Variants in CDC73 observed in about 807,000 individuals in gnomAD.
The protein encoded by CDC73 is parafibromin.
In CDC73, 21 loss-of-function variants were observed where a neutral mutation model predicts 83.7. The observed-to-expected ratio is 0.25, with a 90% CI of 0.18 to 0.36. The LOEUF (loss-of-function observed/expected upper bound fraction) is 0.36. CDC73 is among the 10% of genes least tolerant of loss of function. The pLI is 1.00. For missense variants in CDC73, 342 were observed against 653.3 expected (o/e 0.52, Z 5.19); for synonymous variants, 224 against 212.9 (o/e 1.05, Z -0.45).
intron 13 of CDC73, among the ~76,000 whole-genome samples, chr1:193,223,909 G>A (rs1027311996): frequency 1.3e-5 from 2 of 148,850 alleles, no homozygotes; most frequent in African/African-American, 4.9e-5. Context: ...CATATTTTGA[G>A]GTACATGTAA....
intron 10 of CDC73, among the ~76,000 whole-genome samples, chr1:193,193,780 AGT>A (rs71111459): frequency 0.087 from 11,741 of 135,678 alleles, 651 homozygotes; most frequent in African/African-American, 0.18. Context: ...TCTTACTTGT[AGT>A]GTGTGTGTGT....
chr1:193,189,354 T>C (rs1207392619), intron 10 of CDC73, among the ~76,000 whole-genome samples: 1 of 152,204 alleles, frequency 6.6e-6, no homozygotes, highest in Non-Finnish European at 1.5e-5. Context: ...TAACTTTTTG[T>C]AGCAACCTAC....
At chr1:193,188,797 C>A (rs576353695) in intron 10 of CDC73, among the ~76,000 whole-genome samples, 1 of 151,858 alleles carries the variant, frequency 6.6e-6, no homozygotes, top group East Asian at 1.9e-4. Context: ...CCCTGAATTT[C>A]CAGTGGGACC....
chr1:193,246,333 A>G (rs914717719), intron 15 of CDC73, among the ~76,000 whole-genome samples: 13 of 152,022 alleles, frequency 8.6e-5, no homozygotes, highest in African/African-American at 3.1e-4. Context: ...ATATAGAGAT[A>G]TACAGTTTTC....
chr1:193,142,001 C>G lies in CDC73; in HGVS notation c.664C>G (p.Arg222Gly), dbSNP rs770439843. ...TGTGGATGCTGAGGTAGATGTGACC[C>G]GAGATATTGTCAGCAGAGAGAGAGT... ...SFVDAEVDVT[R>G]DIVSRERVWR... Residue 222 changes from arginine (R) to glycine (G), a missense_variant, in exon 7 of 17, where the codon CGA becomes GGA. Arg to Gly is a moderately radical substitution (Grantham distance 125, BLOSUM62 -2). This residue lies in a region of CDC73 where 239 missense variants were observed against 420.6 expected (regional missense o/e 0.57). Transcript: ENST00000367435. 1 of 1,613,608 alleles carries G rather than the reference C, an allele frequency of 6.2e-7. No homozygotes were observed. Among genetic ancestry groups the G allele is most frequent in the Non-Finnish European group, 8.5e-7 (1 of 1,179,824 alleles).
chr1:193,145,042 A>T (rs1317192623), intron 7 of CDC73, among the ~76,000 whole-genome samples: 2 of 152,210 alleles, frequency 1.3e-5, no homozygotes, highest in Non-Finnish European at 1.5e-5. Flanking sequence ...AGTCTTTTAC[A>T]AATAATATTA....
intron 10 of CDC73, 109 bp from the exon 11 acceptor site, chr1:193,203,686 A>G: frequency 1.1e-6 from 1 of 914,550 alleles, no homozygotes; most frequent in Non-Finnish European, 1.8e-6. Context: ...CAACTGAGTG[A>G]GAAAAACAGA....
intron 10 of CDC73, among the ~76,000 whole-genome samples, chr1:193,177,439 A>G (rs975319112): frequency 6.8e-6 from 1 of 146,456 alleles, no homozygotes; most frequent in Non-Finnish European, 1.5e-5. Flanking sequence ...CTGAGGCAGG[A>G]GAATGGCGTG....
chr1:193,233,002 A>G lies in CDC73; in HGVS notation c.1164A>G (p.Pro388=), dbSNP rs1572215267. ...KDLLQDLKFV[P]SDEKKKQGCQ... ...CTCTGTTTTTTCAAAGATTTGTCCC[A>G]TCAGATGAAAAGAAGAAACAAGGTT... is the stretch of plus-strand genomic sequence containing the variant. The change falls in exon 14 of 17, where the codon CCA becomes CCG. Residue 388 remains proline, a synonymous_variant. Transcript: ENST00000367435. 2 of 1,613,704 alleles carry G rather than the reference A, an allele frequency of 1.2e-6. No homozygotes were observed. The highest frequency in any genetic ancestry group is 1.7e-6 in the Non-Finnish European group (2 of 1,179,610).
At chr1:193,197,532 C>T (rs947165275) in intron 10 of CDC73, among the ~76,000 whole-genome samples, 2 of 152,042 alleles carry the variant, frequency 1.3e-5, no homozygotes, top group African/African-American at 4.8e-5. Flanking sequence ...TATCGAGCTC[C>T]TTCATTAGAT....
chr1:193,138,221 A>C lies in CDC73; in HGVS notation c.512+48A>C, dbSNP rs139294772. On this transcript the variant is annotated intron_variant, in intron 6 of 16. Coordinates refer to ENST00000367435, the MANE Select transcript of CDC73 (RefSeq NM_024529.5). ...AAGTAGGTAGTTTAGATATATGTAA[A>C]AGTATAAGGAAAAGGAATATTAAAA... 1.4e-4 allele frequency: 163 copies of C among 1,198,624 alleles called. 1 individual carries two copies. In the African/African-American group the frequency reaches 2.1e-3, roughly 16 times the overall value. 74.2% of individuals were successfully genotyped at this position (1,198,624 alleles called of 1,614,324 possible). A position where few individuals can be genotyped will look rare whatever the true frequency, so the allele number is the denominator to read the frequency against.
At chr1:193,234,236 A>C (rs1202862666) in intron 14 of CDC73, among the ~76,000 whole-genome samples, 2 of 117,728 alleles carry the variant, frequency 1.7e-5, no homozygotes, top group African/African-American at 7.3e-5. Context: ...TATATTTAAA[A>C]TTTATATATT....
intron 3 of CDC73, among the ~76,000 whole-genome samples, chr1:193,133,606 ACATGT>A (rs914390958): frequency 3.3e-5 from 5 of 152,328 alleles, no homozygotes; most frequent in African/African-American, 7.2e-5. Flanking sequence ...GATTAAAGAG[ACATGT>A]CAAGTCAATG....
At chr1:193,173,823 T>C (rs972789796) in intron 10 of CDC73, among the ~76,000 whole-genome samples, 1 of 152,170 alleles carries the variant, frequency 6.6e-6, no homozygotes, top group African/African-American at 2.4e-5. Context: ...TTTGTGCTTC[T>C]TTACTAATGC....
chr1:193,244,817 T>G (rs753140851), intron 15 of CDC73, among the ~76,000 whole-genome samples: 6 of 152,152 alleles, frequency 3.9e-5, no homozygotes, highest in Admixed American at 6.5e-5. Flanking sequence ...TATTCTGCCT[T>G]ATTTTTCCTC....
At chr1:193,222,202 G>A (rs954531857) in intron 13 of CDC73, among the ~76,000 whole-genome samples, 2 of 152,176 alleles carry the variant, frequency 1.3e-5, no homozygotes, top group African/African-American at 4.8e-5. Context: ...GTAACTTCCT[G>A]ATTTTGGCCA....
intron 13 of CDC73, among the ~76,000 whole-genome samples, chr1:193,218,613 A>G (rs1156759796): frequency 6.6e-6 from 1 of 152,240 alleles, no homozygotes; most frequent in Non-Finnish European, 1.5e-5. Context: ...AAAGCTGCCC[A>G]GCAGCAACCA....
chr1:193,215,026 G>A (rs376803313), intron 13 of CDC73, among the ~76,000 whole-genome samples: 2 of 152,206 alleles, frequency 1.3e-5, no homozygotes, highest in East Asian at 1.9e-4. Flanking sequence ...TTTGTCACTA[G>A]TTGCAGCTGC....
intron 14 of CDC73, among the ~76,000 whole-genome samples, chr1:193,235,924 A>G (rs887298561): frequency 3.9e-5 from 6 of 152,190 alleles, no homozygotes; most frequent in Non-Finnish European, 8.8e-5. Context: ...TCCCTATTAC[A>G]TTGGAAAAGT....
Sources: gnomAD v4.1 joint callset for allele counts (sites outside exome capture counted in the v4.1 genomes callset) on GRCh38, gnomAD v4.1.1 for gene constraint, gnomAD v4.1.1 regional missense constraint, MANE v1.5 for transcripts, NCBI Gene and HGNC (gene_info 2026-07-23, HGNC 2026-07-21) for gene names.